The following KCNN2 variants were observed in gnomAD, a reference collection of about 807,000 sequenced individuals.
KCNN2 encodes the protein small conductance calcium-activated potassium channel protein 2.
Under a neutral mutation model 55.5 loss-of-function variants are expected in KCNN2, and 24 were observed. The observed-to-expected ratio is 0.43, with a 90% confidence interval of 0.31 to 0.61. The LOEUF (loss-of-function observed/expected upper bound fraction) is 0.61, where lower values mean the gene tolerates loss of function less well. KCNN2 is among the 20% of genes least tolerant of loss of function. The pLI, the probability that KCNN2 is intolerant of heterozygous loss-of-function variation, is 0.08. For synonymous variants in KCNN2, 431 were observed against 336.1 expected, an observed-to-expected ratio of 1.28 and a Z score of -3.09; for missense variants, 754 against 853.6, an observed-to-expected ratio of 0.88 and a Z score of 1.45.
intron 2 of KCNN2, among the ~76,000 whole-genome samples, chr5:114,403,017 G>A (rs3857431): frequency 0.25 from 38,129 of 152,172 alleles, 4,933 homozygotes; most frequent in Non-Finnish European, 0.28. Flanking sequence ...AGAATGGAAG[G>A]AGGGCCAGTC....
intron 1 of KCNN2, among the ~76,000 whole-genome samples, chr5:114,076,324 A>T (rs1363619129): frequency 6.6e-6 from 1 of 152,244 alleles, no homozygotes; most frequent in Non-Finnish European, 1.5e-5. Flanking sequence ...AGAGATCCCC[A>T]CACTGTGATG....
chr5:114,312,416 C>T (rs1580713925), intron 2 of KCNN2, among the ~76,000 whole-genome samples: 1 of 77,206 alleles, frequency 1.3e-5, no homozygotes, highest in African/African-American at 5.6e-5. Context: ...CACACACACA[C>T]ACACACACAC....
At chr5:114,269,933 G>C (rs1755292337) in intron 2 of KCNN2, among the ~76,000 whole-genome samples, 1 of 152,164 alleles carries the variant, frequency 6.6e-6, no homozygotes, top group African/African-American at 2.4e-5. Context: ...TTTCAGAATA[G>C]CATTTGCAAA....
chr5:114,242,614 T>C (rs1181191836), intron 2 of KCNN2, among the ~76,000 whole-genome samples: 1 of 151,908 alleles, frequency 6.6e-6, no homozygotes, highest in African/African-American at 2.4e-5. Flanking sequence ...AACTCGCGAA[T>C]AGGAAAAAAG....
intron 3 of KCNN2, among the ~76,000 whole-genome samples, chr5:114,450,896 T>C (rs1760645002): frequency 6.6e-6 from 1 of 152,242 alleles, no homozygotes; most frequent in Non-Finnish European, 1.5e-5. Flanking sequence ...ATAATTTTCT[T>C]AGCTTAGACC....
intron 1 of KCNN2, among the ~76,000 whole-genome samples, chr5:114,168,865 T>C (rs1752973451): frequency 6.6e-6 from 1 of 152,116 alleles, no homozygotes; most frequent in African/African-American, 2.4e-5. Flanking sequence ...TTTCTCTATG[T>C]ATAATATGGT....
intron 1 of KCNN2, among the ~76,000 whole-genome samples, chr5:114,065,443 G>A (rs570264999): frequency 6.6e-6 from 1 of 152,300 alleles, no homozygotes; most frequent in African/African-American, 2.4e-5. Context: ...ATTCTGAGGT[G>A]AATGATTTTT....
chr5:114,181,674 A>AG (rs1379940674), intron 1 of KCNN2, among the ~76,000 whole-genome samples: 1 of 152,040 alleles, frequency 6.6e-6, no homozygotes, highest in Non-Finnish European at 1.5e-5. Context: ...TTGCTTCGAA[A>AG]TATTTTTATA....
chr5:114,131,322 C>A (rs976365458), intron 1 of KCNN2, among the ~76,000 whole-genome samples: 4 of 152,106 alleles, frequency 2.6e-5, no homozygotes, highest in African/African-American at 7.2e-5. Context: ...TCCTCCTGAC[C>A]CCCATGTGTC....
At chr5:114,111,253 G>A (rs1486323560) in intron 1 of KCNN2, among the ~76,000 whole-genome samples, 1 of 152,098 alleles carries the variant, frequency 6.6e-6, no homozygotes, top group Non-Finnish European at 1.5e-5. Context: ...TTAATAAATG[G>A]TGCTGGAAAA....
At chr5:114,227,807 G>T (rs1367142030) in intron 2 of KCNN2, among the ~76,000 whole-genome samples, 1 of 152,038 alleles carries the variant, frequency 6.6e-6, no homozygotes, top group South Asian at 2.1e-4. Flanking sequence ...AAATAGCAAG[G>T]TTGCAGTGAA....
intron 5 of KCNN2, among the ~76,000 whole-genome samples, chr5:114,481,454 T>C (rs570973310): frequency 1.6e-3 from 238 of 152,230 alleles, no homozygotes; most frequent in Non-Finnish European, 2.4e-3. Flanking sequence ...ATCATGAAAA[T>C]AGCCATACTG....
At chr5:114,273,346 T>C (rs1374134756) in intron 2 of KCNN2, among the ~76,000 whole-genome samples, 1 of 152,190 alleles carries the variant, frequency 6.6e-6, no homozygotes, top group Non-Finnish European at 1.5e-5. Flanking sequence ...TACGTGTGCA[T>C]GTGTCTTTAT....
chr5:114,346,556 GT>G (rs1561579595), intron 2 of KCNN2, among the ~76,000 whole-genome samples: 1 of 152,030 alleles, frequency 6.6e-6, no homozygotes. Context: ...CTGAACTCTG[GT>G]ATTGCATTAG....
chr5:114,284,818 G>A (rs17164242), intron 2 of KCNN2, among the ~76,000 whole-genome samples: 13,484 of 151,836 alleles, frequency 0.089, 821 homozygotes, highest in African/African-American at 0.16. Flanking sequence ...GCGCCTAGCC[G>A]ATCATCTCCA....
chr5:114,439,001 G>A (rs1323239805), intron 3 of KCNN2, among the ~76,000 whole-genome samples: 2 of 152,084 alleles, frequency 1.3e-5, no homozygotes, highest in Non-Finnish European at 2.9e-5. Context: ...ATTTAACTTA[G>A]ACATTATAGT....
intron 2 of KCNN2, among the ~76,000 whole-genome samples, chr5:114,291,097 A>G (rs941397696): frequency 6.6e-6 from 1 of 152,108 alleles, no homozygotes; most frequent in East Asian, 1.9e-4. Context: ...ATTATAAAGG[A>G]AGCTATAATA....
At position 114,062,332 on chromosome 5, in the gene KCNN2, G is replaced by A. The variant is rs1275266222; in HGVS notation, c.-271+5832G>A. ...TGCCAGACATGCAGTGCAGCAAGAG[G>A]ATGATTTTGGCTGTAGTGGTTCAGA... On this transcript the variant is annotated intron_variant, in intron 1 of 10. Transcript: ENST00000512097. Among the ~76,000 whole-genome samples the A allele has an allele frequency of 2.0e-5, 3 of 152,310 alleles. No homozygotes were observed. In the South Asian group the frequency reaches 6.2e-4, roughly 32 times the overall value.
intron 1 of KCNN2, among the ~76,000 whole-genome samples, chr5:114,134,214 G>T (rs1350315502): frequency 6.6e-6 from 1 of 150,838 alleles, no homozygotes; most frequent in Non-Finnish European, 1.5e-5. Flanking sequence ...TCCTAGGAAG[G>T]ATTTTTTAAA....
Sources: gnomAD v4.1 joint callset for allele counts (sites outside exome capture counted in the v4.1 genomes callset) on GRCh38, gnomAD v4.1.1 for gene constraint, MANE v1.5 for transcripts, NCBI Gene and HGNC (gene_info 2026-07-23, HGNC 2026-07-21) for gene names.